CPEB1: variants seen among roughly 807,000 people sequenced by gnomAD.
CPEB1 encodes the protein cytoplasmic polyadenylation element-binding protein 1.
A neutral mutation model predicts 65.8 loss-of-function variants in CPEB1; 7 were observed. The ratio of observed to expected loss-of-function variants is 0.11; its 90% CI spans 0.06 to 0.20. The LOEUF is 0.20. Among genes scored for constraint, CPEB1 ranks in the 10% least tolerant of loss-of-function variants. The probability of loss-of-function intolerance (pLI) is 1.00; values close to 1 mark genes in which losing one functional copy is unlikely to be tolerated. For synonymous variants in CPEB1, 262 were observed against 260.0 expected (o/e 1.01, Z -0.08); for missense variants, 551 against 712.2 (o/e 0.77, Z 2.58).
At chr15:82,633,008 C>T (rs1000243540) in intron 1 of CPEB1, among the ~76,000 whole-genome samples, 26 of 152,150 alleles carry the variant, frequency 1.7e-4, no homozygotes, top group Admixed American at 5.9e-4. Context: ...AAATGTTTTT[C>T]TCTTGGTTAT....
intron 3 of CPEB1, among the ~76,000 whole-genome samples, chr15:82,587,033 T>G (rs1290037029): frequency 6.6e-6 from 1 of 152,096 alleles, no homozygotes; most frequent in Non-Finnish European, 1.5e-5. Context: ...GTAAAAAAGA[T>G]TATCAGGAAA....
chr15:82,580,047 C>T (rs147172284), intron 3 of CPEB1, among the ~76,000 whole-genome samples: 4 of 149,248 alleles, frequency 2.7e-5, no homozygotes, highest in East Asian at 4.1e-4. Flanking sequence ...ATGGGCCAGG[C>T]GCGGTGGCTC....
At chr15:82,559,264 A>C (rs1219701054) in intron 4 of CPEB1, among the ~76,000 whole-genome samples, 4 of 152,214 alleles carry the variant, frequency 2.6e-5, no homozygotes, top group Admixed American at 6.5e-5. Flanking sequence ...ACAAGATCCC[A>C]AACATCTGTT....
intron 3 of CPEB1, among the ~76,000 whole-genome samples, chr15:82,585,931 GT>G (rs2041759526): frequency 6.6e-6 from 1 of 151,772 alleles, no homozygotes; most frequent in Non-Finnish European, 1.5e-5. Context: ...AATCTTGAGT[GT>G]CAGGCACTAG....
intron 8 of CPEB1, 141 bp downstream of exon 8, chr15:82,553,326 A>T: frequency 1.6e-6 from 1 of 640,714 alleles, no homozygotes. Flanking sequence ...AAGTGCTGAC[A>T]GATGGCAGGT....
At chr15:82,547,593 C>T (rs1003271890) in intron 10 of CPEB1, among the ~76,000 whole-genome samples, 1 of 152,006 alleles carries the variant, frequency 6.6e-6, no homozygotes, top group African/African-American at 2.4e-5. Flanking sequence ...CGAGCCTGCC[C>T]TAATGCTACT....
intron 1 of CPEB1, among the ~76,000 whole-genome samples, chr15:82,646,421 T>A (rs2047530587): frequency 1.3e-5 from 2 of 151,880 alleles, no homozygotes; most frequent in Admixed American, 6.6e-5. Context: ...GCCAGAGAAA[T>A]GCGGCGTCAG....
chr15:82,628,030 A>G, intron 2 of CPEB1: 1 of 588,048 alleles, frequency 1.7e-6, no homozygotes, highest in South Asian at 2.3e-5. Context: ...AAGGGGTCAT[A>G]AAGACCTTTA....
chr15:82,550,895 A>G (rs1226101988), intron 9 of CPEB1, among the ~76,000 whole-genome samples: 1 of 139,782 alleles, frequency 7.2e-6, no homozygotes, highest in East Asian at 2.0e-4. Context: ...CCAGTGAATC[A>G]AAGAAAGATT....
At position 82,558,415 on chromosome 15, in the gene CPEB1, G is replaced by A. The variant is rs11852890; in HGVS notation, c.461-429C>T. Among the ~76,000 whole-genome samples the A allele has an allele frequency of 4.3e-3, 658 of 152,284 alleles. 4 individuals are homozygous for A. The highest frequency in any genetic ancestry group is 0.015 in the African/African-American group (621 of 41,554). On this transcript the variant is annotated intron_variant, in intron 4 of 12. Coordinates refer to ENST00000684509, the MANE Select transcript of CPEB1 (RefSeq NM_001365242.1). ...TTAGAAGAATTCTCACCTTTCTAAT[G>A]CTATAATATAGAATTTCAGGCCACA...
At position 82,549,623 on chromosome 15, in the gene CPEB1, G is replaced by C; in HGVS notation, c.1317C>G (p.Asn439Lys). The change falls in exon 10 of 13, where the codon AAC becomes AAG. Residue 439 changes from asparagine (N) to lysine (K), a missense_variant. Physicochemically the swap from Asn to Lys is moderately conservative, Grantham distance 94 (BLOSUM62 0). Coordinates refer to ENST00000684509, the MANE Select transcript of CPEB1 (RefSeq NM_001365242.1). ...QVIPWVLADS[N>K]FVRSPSQRLD... The stretch of plus-strand genomic sequence containing the variant: ...GCCTCTGAGATGGGCTCCGGACAAA[G>C]TTACTGTCGGCTAATACCCAGGGGA... 1 of 1,614,174 alleles carries C rather than the reference G, an allele frequency of 6.2e-7. No homozygotes were observed. The highest frequency in any genetic ancestry group is 8.5e-7 in the Non-Finnish European group (1 of 1,180,028).
intron 3 of CPEB1, among the ~76,000 whole-genome samples, chr15:82,585,806 A>G (rs1312382190): frequency 6.6e-6 from 1 of 152,194 alleles, no homozygotes; most frequent in African/African-American, 2.4e-5. Context: ...AGTTTGAGAT[A>G]TTCCTTTTGT....
At chr15:82,549,713 T>C (rs898880524) in intron 9 of CPEB1, 55 bp from the exon 10 acceptor site, 1 of 1,538,648 alleles carries the variant, frequency 6.5e-7, no homozygotes, top group Admixed American at 1.7e-5. Flanking sequence ...GAGAGAGAGG[T>C]GCTTGCACGG....
intron 3 of CPEB1, among the ~76,000 whole-genome samples, chr15:82,574,598 G>C (rs2040432661): frequency 6.6e-6 from 1 of 151,958 alleles, no homozygotes; most frequent in South Asian, 2.1e-4. Context: ...GCACACGCCT[G>C]CAGTCCCAGC....
At chr15:82,614,879 G>GTGTA (rs368957489) in intron 3 of CPEB1, among the ~76,000 whole-genome samples, 3,234 of 113,248 alleles carry the variant, frequency 0.029, 45 homozygotes, top group Non-Finnish European at 0.044. Context: ...GTGTGTGTGT[G>GTGTA]TATATATATA....
At chr15:82,648,181 C>T (rs2047737935), upstream of CPEB1, 5 of 320,586 alleles carry the variant, frequency 1.6e-5, no homozygotes, top group Non-Finnish European at 5.7e-6. Context: ...ACAGCTGCCC[C>T]CTGGGGGGCC....
intron 3 of CPEB1, among the ~76,000 whole-genome samples, chr15:82,593,319 A>C (rs770495693): frequency 1.1e-4 from 16 of 152,212 alleles, no homozygotes; most frequent in Non-Finnish European, 1.9e-4. Context: ...GGAAATTCTA[A>C]ATCCTTTGTT....
At chr15:82,559,064 C>G (rs2037752363) in intron 4 of CPEB1, among the ~76,000 whole-genome samples, 1 of 152,048 alleles carries the variant, frequency 6.6e-6, no homozygotes, top group Admixed American at 6.5e-5. Context: ...GGCCCCACTT[C>G]CGCCCTGACT....
intron 3 of CPEB1, among the ~76,000 whole-genome samples, chr15:82,579,775 A>G (rs1031652529): frequency 4.0e-5 from 6 of 150,650 alleles, no homozygotes; most frequent in South Asian, 4.2e-4. Context: ...AGCCGGGCGC[A>G]GTGGCGGGTG....
Sources: gnomAD v4.1 joint callset for allele counts (sites outside exome capture counted in the v4.1 genomes callset) on GRCh38, gnomAD v4.1.1 for gene constraint, MANE v1.5 for transcripts, NCBI Gene and HGNC (gene_info 2026-07-23, HGNC 2026-07-21) for gene names.